ABLIM3: variants seen among roughly 807,000 people sequenced by gnomAD.
ABLIM3 encodes the protein actin binding LIM protein family member 3.
ABLIM3 carries 61 observed loss-of-function variants against 109.5 expected under a neutral mutation model. The observed-to-expected ratio is 0.56, with a 90% CI of 0.45 to 0.69. The LOEUF is 0.69. Ranked by LOEUF, ABLIM3 falls within the 30% of genes least tolerant of loss-of-function variation. The probability of loss-of-function intolerance (pLI) is 0.00; values close to 1 mark genes in which losing one functional copy is unlikely to be tolerated. For missense variants in ABLIM3, 796 were observed against 889.5 expected (o/e 0.89, Z 1.34); for synonymous variants, 300 against 324.8 (o/e 0.92, Z 0.82).
At chr5:149,254,929 G>A (rs1169581003) in intron 23 of ABLIM3, among the ~76,000 whole-genome samples, 1 of 152,198 alleles carries the variant, frequency 6.6e-6, no homozygotes, top group Non-Finnish European at 1.5e-5. Context: ...TGGCTAAAAT[G>A]TAGCCTGAGC....
intron 2 of ABLIM3, among the ~76,000 whole-genome samples, chr5:149,171,413 A>T (rs1755411208): frequency 6.6e-6 from 1 of 152,198 alleles, no homozygotes; most frequent in African/African-American, 2.4e-5. Context: ...CTTGAAAGGA[A>T]GGTAAAATAC....
In ABLIM3 at chr5:149,199,308, C is replaced by T. The variant is rs115246269; in HGVS notation, c.335+906C>T. Among the ~76,000 whole-genome samples the T allele has an allele frequency of 5.2e-3, 785 of 152,220 alleles. 14 individuals are homozygous for T. The highest frequency in any genetic ancestry group is 0.018 in the African/African-American group (747 of 41,528). ...AGGAATGTATGGATTAATTATTCTC[C>T]GCATAAAATAACCACCAGTCACTTA... On this transcript the variant is annotated intron_variant, in intron 4 of 23. Transcript: ENST00000309868.
Position 149,258,718 on chromosome 5 carries a change from A to C in ABLIM3, c.*314A>C. On this transcript the variant is annotated 3_prime_UTR_variant, in exon 24 of 24. Coordinates refer to ENST00000309868, the MANE Select transcript of ABLIM3 (RefSeq NM_014945.5). Reference sequence around the variant, plus strand: ...CTCTCTTTCCTAAAGAAGGTGCCTGAAGAAGTCTCTCTTCTCTCTGCTTCG... The same window carrying C: ...CTCTCTTTCCTAAAGAAGGTGCCTGCAGAAGTCTCTCTTCTCTCTGCTTCG... The C allele has an allele frequency of 9.7e-7, 1 of 1,032,374 alleles. No homozygotes were observed. Among genetic ancestry groups the C allele is most frequent in the Non-Finnish European group, 1.2e-6 (1 of 861,264 alleles). The allele number at this position is 1,032,374 out of a possible 1,614,324, so 64.0% of individuals were successfully genotyped here.
In ABLIM3 at chr5:149,250,481, C is replaced by A; in HGVS notation, c.1764C>A (p.Ala588=). 6.2e-7 allele frequency: 1 copy of A among 1,614,220 alleles called. No homozygotes were observed. Among genetic ancestry groups the A allele is most frequent in the Non-Finnish European group, 8.5e-7 (1 of 1,180,036 alleles). The change falls in exon 20 of 24, where the codon GCC becomes GCA. Residue 588 remains alanine, a synonymous_variant. Transcript: ENST00000309868. ...TCTCCAAATCTGCCTCCCTGCCTGC[C>A]TACCGAAGAAATGGGCTGCACAGGG... The part of the protein sequence containing the change: ...PLISKSASLP[A]YRRNGLHRTP...
chr5:149,218,537 C>G (rs568910723), intron 8 of ABLIM3: 1 of 152,534 alleles, frequency 6.6e-6, no homozygotes, highest in Admixed American at 6.5e-5. Context: ...ATGGCGAGTG[C>G]ATAAGGGCAA....
chr5:149,212,368 T>A (rs1759649494), intron 7 of ABLIM3, among the ~76,000 whole-genome samples: 1 of 151,968 alleles, frequency 6.6e-6, no homozygotes, highest in South Asian at 2.1e-4. Flanking sequence ...AGGGTGGAGT[T>A]TGCATGTGAC....
At chr5:149,210,216 T>G (rs1377300326) in intron 6 of ABLIM3, among the ~76,000 whole-genome samples, 1 of 152,210 alleles carries the variant, frequency 6.6e-6, no homozygotes, top group Non-Finnish European at 1.5e-5. Context: ...CCATCTCCTT[T>G]AATCCTCATG....
chr5:149,204,488 A>G (rs1211523446), intron 5 of ABLIM3, among the ~76,000 whole-genome samples: 1 of 152,226 alleles, frequency 6.6e-6, no homozygotes, highest in East Asian at 1.9e-4. Flanking sequence ...GTATAATATA[A>G]AAAGAAAAGC....
chr5:149,163,970 A>G (rs1300912132), intron 2 of ABLIM3: 3 of 152,212 alleles, frequency 2.0e-5, no homozygotes, highest in Admixed American at 1.3e-4. Context: ...TATTTCCAAC[A>G]TACTTTTTTA....
chr5:149,222,446 A>G (rs932982347), intron 8 of ABLIM3, among the ~76,000 whole-genome samples: 9 of 152,046 alleles, frequency 5.9e-5, no homozygotes, highest in Non-Finnish European at 1.2e-4. Flanking sequence ...GAGTCTTCTG[A>G]AATTGCTTGC....
In ABLIM3 at chr5:149,259,335, G is replaced by A; in HGVS notation, c.*931G>A. ...TAGCCTTATTACAATCTATGTGCCT[G>A]ACAACTCAACACACCGCAGGGCTAA... On this transcript the variant is annotated 3_prime_UTR_variant, in exon 24 of 24. Coordinates refer to ENST00000309868, the MANE Select transcript of ABLIM3 (RefSeq NM_014945.5). 4 of 1,429,342 alleles carry A rather than the reference G, an allele frequency of 2.8e-6. No individual in the cohort carries two copies. The South Asian group carries it at 4.5e-5, about 16-fold the overall frequency. The allele number at this position is 1,429,342 out of a possible 1,614,324, so 88.5% of individuals were successfully genotyped here.
intron 8 of ABLIM3, among the ~76,000 whole-genome samples, chr5:149,225,482 T>A (rs546878649): frequency 1.3e-5 from 2 of 152,364 alleles, no homozygotes; most frequent in South Asian, 4.1e-4. Context: ...ATAGCAGGTA[T>A]CAGCAGGTCA....
intron 2 of ABLIM3, among the ~76,000 whole-genome samples, chr5:149,149,747 G>T (rs1238494247): frequency 1.3e-5 from 2 of 152,218 alleles, no homozygotes; most frequent in Non-Finnish European, 2.9e-5. Flanking sequence ...TCTTGGCAGA[G>T]AACAGATTGG....
intron 2 of ABLIM3, among the ~76,000 whole-genome samples, chr5:149,156,235 AG>A (rs1484060722): frequency 6.6e-6 from 1 of 152,224 alleles, no homozygotes. Context: ...TAAGAAGTTG[AG>A]CTATAGAATC....
intron 2 of ABLIM3, among the ~76,000 whole-genome samples, chr5:149,158,389 T>C (rs560554730): frequency 6.6e-6 from 1 of 152,308 alleles, no homozygotes; most frequent in East Asian, 1.9e-4. Context: ...AACATGTAAG[T>C]ATTACTTAAA....
intron 7 of ABLIM3, among the ~76,000 whole-genome samples, chr5:149,211,418 G>T (rs1759543361): frequency 1.3e-5 from 2 of 152,078 alleles, no homozygotes; most frequent in South Asian, 4.1e-4. Context: ...TGTGGGCCTG[G>T]AAGCTATCTT....
chr5:149,148,635 A>G (rs1028112328), intron 2 of ABLIM3, among the ~76,000 whole-genome samples: 1 of 152,152 alleles, frequency 6.6e-6, no homozygotes, highest in African/African-American at 2.4e-5. Context: ...CACTCTGCTT[A>G]AAGTGAGGCT....
At chr5:149,240,241 G>A (rs1458468952) in intron 13 of ABLIM3, among the ~76,000 whole-genome samples, 1 of 152,182 alleles carries the variant, frequency 6.6e-6, no homozygotes, top group Non-Finnish European at 1.5e-5. Flanking sequence ...CTATGAACTG[G>A]CCTTCACCCA....
At chr5:149,220,426 A>G (rs1760526444) in intron 8 of ABLIM3, 1 of 152,108 alleles carries the variant, frequency 6.6e-6, no homozygotes, top group African/African-American at 2.4e-5. Flanking sequence ...AATTATCCCC[A>G]TCCCTCTCCT....
Sources: allele counts gnomAD v4.1 joint callset (sites outside exome capture counted in the v4.1 genomes callset), GRCh38; gene constraint gnomAD v4.1.1; transcripts MANE v1.5; gene names NCBI Gene and HGNC (gene_info 2026-07-23, HGNC 2026-07-21).